Variants in TMCC1 observed in about 807,000 individuals in gnomAD.
TMCC1 encodes transmembrane and coiled-coil domains protein 1.
TMCC1 carries 15 observed loss-of-function variants against 52.4 expected under a neutral mutation model. That is an observed-to-expected ratio of 0.29 (90% CI 0.19 to 0.44). The LOEUF (loss-of-function observed/expected upper bound fraction) is 0.44. TMCC1 is among the 20% of genes least tolerant of loss of function. The pLI is 1.00. For missense variants in TMCC1, 503 were observed against 806.0 expected, an observed-to-expected ratio of 0.62 and a Z score of 4.55; for synonymous variants, 279 against 301.9, an observed-to-expected ratio of 0.92 and a Z score of 0.79.
At chr3:129,693,478 T>C (rs2108954641) in intron 4 of TMCC1, among the ~76,000 whole-genome samples, 1 of 151,858 alleles carries the variant, frequency 6.6e-6, no homozygotes, top group African/African-American at 2.4e-5. Flanking sequence ...GTTAACTCTT[T>C]TGATCTTGCC....
At chr3:129,683,728 G>A (rs915299331) in intron 4 of TMCC1, among the ~76,000 whole-genome samples, 1 of 151,412 alleles carries the variant, frequency 6.6e-6, no homozygotes, top group Non-Finnish European at 1.5e-5. Context: ...AACCCCCACC[G>A]CCCCACCACC....
At chr3:129,889,974 A>C (rs2061890606) in intron 1 of TMCC1, among the ~76,000 whole-genome samples, 1 of 151,818 alleles carries the variant, frequency 6.6e-6, no homozygotes, top group Admixed American at 6.6e-5. Flanking sequence ...AGGGTGAAGA[A>C]ATAAGAAAAA....
intron 4 of TMCC1, among the ~76,000 whole-genome samples, chr3:129,713,197 G>C (rs1240983455): frequency 6.6e-6 from 1 of 152,200 alleles, no homozygotes; most frequent in Non-Finnish European, 1.5e-5. Context: ...AGGAGAAGGA[G>C]GCTGTAGTGA....
At chr3:129,756,169 T>C (rs766631722) in intron 4 of TMCC1, among the ~76,000 whole-genome samples, 5 of 151,492 alleles carry the variant, frequency 3.3e-5, no homozygotes, top group African/African-American at 9.7e-5. Context: ...AAGTTAAACA[T>C]AGATTTATCA....
At position 129,852,971 on chromosome 3, in the gene TMCC1, C is replaced by A. The variant is rs867410494; in HGVS notation, c.-183-20145G>T. On this transcript the variant is annotated intron_variant, in intron 2 of 6. Coordinates refer to ENST00000393238, the MANE Select transcript of TMCC1 (RefSeq NM_001017395.5). The stretch of plus-strand genomic sequence containing the variant: ...AGGAGGAGTATATTATTAACCACTC[C>A]AAGTGTCAATTAATAATGCATCCTT... 1.4e-4 allele frequency among the ~76,000 whole-genome samples: 21 copies of A among 152,210 alleles called. No homozygotes were observed. The Middle Eastern group carries it at 0.014, about 99-fold the overall frequency.
intron 4 of TMCC1, among the ~76,000 whole-genome samples, chr3:129,802,268 A>G (rs1195668973): frequency 1.3e-5 from 2 of 152,228 alleles, no homozygotes; most frequent in African/African-American, 4.8e-5. Context: ...GTCTTACTCA[A>G]GTCCAAAATA....
At chr3:129,720,181 C>CAAAAAAA (rs765678095) in intron 4 of TMCC1, among the ~76,000 whole-genome samples, 19 of 58,706 alleles carry the variant, frequency 3.2e-4, no homozygotes, top group African/African-American at 7.4e-4. Flanking sequence ...GACCCTGTCT[C>CAAAAAAA]AAAAAAAAAA....
intron 2 of TMCC1, among the ~76,000 whole-genome samples, chr3:129,873,811 T>G (rs1467900634): frequency 6.6e-6 from 1 of 152,222 alleles, no homozygotes; most frequent in Non-Finnish European, 1.5e-5. Context: ...TTTTTTCACA[T>G]TTTGAAATAT....
intron 4 of TMCC1, among the ~76,000 whole-genome samples, chr3:129,807,506 T>C (rs1237420772): frequency 2.0e-5 from 3 of 152,154 alleles, no homozygotes; most frequent in Non-Finnish European, 4.4e-5. Context: ...GCTGAGTACT[T>C]CTGAGTCCTA....
At chr3:129,777,705 CTTTTA>C (rs1259010365) in intron 4 of TMCC1, among the ~76,000 whole-genome samples, 2 of 152,160 alleles carry the variant, frequency 1.3e-5, no homozygotes, top group African/African-American at 4.8e-5. Context: ...CTTTTGTGTG[CTTTTA>C]TTTTATTAAT....
chr3:129,748,117 C>T (rs2052148882), intron 4 of TMCC1, among the ~76,000 whole-genome samples: 1 of 152,160 alleles, frequency 6.6e-6, no homozygotes, highest in African/African-American at 2.4e-5. Context: ...AGAAATTTTA[C>T]CCATATTATC....
At chr3:129,754,827 C>T (rs1024630482) in intron 4 of TMCC1, among the ~76,000 whole-genome samples, 1 of 152,092 alleles carries the variant, frequency 6.6e-6, no homozygotes, top group African/African-American at 2.4e-5. Context: ...CCTGTAATCC[C>T]AGCACTTTGG....
Position 129,748,037 on chromosome 3 carries a change from A to T in TMCC1, c.577-76773T>A, listed in dbSNP as rs188877984. On this transcript the variant is annotated intron_variant, in intron 4 of 6. Coordinates refer to ENST00000393238, the MANE Select transcript of TMCC1 (RefSeq NM_001017395.5). The stretch of plus-strand genomic sequence containing the variant: ...TAAGACTTAGAAATATATTATTTTG[A>T]ATAACTAGGAAAACATGGACTTAAT... 8.9e-4 allele frequency among the ~76,000 whole-genome samples: 135 copies of T among 152,336 alleles called. 3 individuals are homozygous for T. Among genetic ancestry groups the T allele is most frequent in the Admixed American group, 7.0e-3 (107 of 15,308 alleles).
intron 2 of TMCC1, among the ~76,000 whole-genome samples, chr3:129,837,822 T>C (rs187688279): frequency 6.6e-5 from 10 of 152,162 alleles, no homozygotes; most frequent in Non-Finnish European, 4.4e-5. Context: ...ATGAAAATTA[T>C]AAAAAATCAA....
intron 4 of TMCC1, among the ~76,000 whole-genome samples, chr3:129,775,743 G>A (rs533602988): frequency 3.9e-5 from 6 of 151,962 alleles, no homozygotes; most frequent in Non-Finnish European, 5.9e-5. Flanking sequence ...AAATATAGCC[G>A]AAATCTATCC....
intron 2 of TMCC1, among the ~76,000 whole-genome samples, chr3:129,854,266 A>C (rs2060046455): frequency 6.6e-6 from 1 of 151,810 alleles, no homozygotes; most frequent in Admixed American, 6.6e-5. Flanking sequence ...GTGGCACACA[A>C]CTGTAATCCC....
At chr3:129,841,897 C>A (rs1560527849) in intron 2 of TMCC1, among the ~76,000 whole-genome samples, 2 of 152,168 alleles carry the variant, frequency 1.3e-5, no homozygotes, top group Non-Finnish European at 2.9e-5. Flanking sequence ...GAGGCCTCCC[C>A]AGCCATGCGG....
In TMCC1 at chr3:129,670,626, C is replaced by T. The variant is rs1482906034; in HGVS notation, c.1215G>A (p.Leu405=). ...TAGACTGAAAGTTTGAAATCACTCC[C>T]AAAGCCTTCCCCGCATCATCCACTT... is the stretch of plus-strand genomic sequence containing the variant. The part of the protein sequence containing the change: ...EGQVDDAGKA[L]GVISNFQSSP... Residue 405 remains leucine (L), a synonymous_variant, in exon 5 of 7, where the codon TTG becomes TTA. Coordinates refer to ENST00000393238, the MANE Select transcript of TMCC1 (RefSeq NM_001017395.5). 6.2e-7 allele frequency: 1 copy of T among 1,614,224 alleles called. No homozygotes were observed. The highest frequency in any genetic ancestry group is 1.1e-5 in the South Asian group (1 of 91,080).
chr3:129,685,818 A>C (rs915797401), intron 4 of TMCC1, among the ~76,000 whole-genome samples: 2 of 152,226 alleles, frequency 1.3e-5, no homozygotes, highest in Non-Finnish European at 2.9e-5. Context: ...TCCTCTTCTA[A>C]ATCAGATCTT....
Sources: gnomAD v4.1 joint callset for allele counts (sites outside exome capture counted in the v4.1 genomes callset) on GRCh38, gnomAD v4.1.1 for gene constraint, MANE v1.5 for transcripts, NCBI Gene and HGNC (gene_info 2026-07-23, HGNC 2026-07-21) for gene names.